The following CENPP variants were observed in gnomAD, a reference collection of about 807,000 sequenced individuals.
CENPP encodes centromere protein P.
A neutral mutation model predicts 35.6 loss-of-function variants in CENPP; 24 were observed. The ratio of observed to expected loss-of-function variants is 0.67; its 90% CI spans 0.49 to 0.95. The LOEUF (loss-of-function observed/expected upper bound fraction) is 0.95, where lower values mean the gene tolerates loss of function less well. CENPP is among the 40% of genes least tolerant of loss of function. CENPP has a pLI of 0.00. For missense variants in CENPP, 332 were observed against 345.3 expected, an observed-to-expected ratio of 0.96 and a Z score of 0.31; for synonymous variants, 120 against 125.5, an observed-to-expected ratio of 0.96 and a Z score of 0.29.
At chr9:92,501,364 G>A (rs1448937301) in intron 5 of CENPP, among the ~76,000 whole-genome samples, 7 of 152,112 alleles carry the variant, frequency 4.6e-5, no homozygotes, top group South Asian at 2.1e-4. Flanking sequence ...ATATCTGTAC[G>A]GTTGATGCGT....
chr9:92,434,669 T>G (rs1844202992), intron 5 of CENPP, among the ~76,000 whole-genome samples: 1 of 152,124 alleles, frequency 6.6e-6, no homozygotes. Flanking sequence ...TTCAGAAAAG[T>G]AAAACTTTAA....
chr9:92,424,967 C>T (rs1188574290), intron 5 of CENPP, among the ~76,000 whole-genome samples: 1 of 152,124 alleles, frequency 6.6e-6, no homozygotes, highest in Non-Finnish European at 1.5e-5. Flanking sequence ...TGAGCCACCA[C>T]GCCTGGCCTG....
chr9:92,368,807 G>C (rs887184209), intron 4 of CENPP, among the ~76,000 whole-genome samples: 1 of 152,200 alleles, frequency 6.6e-6, no homozygotes, highest in Non-Finnish European at 1.5e-5. Flanking sequence ...GGGAGACTGA[G>C]ATGGGAGGAT....
Position 92,328,946 on chromosome 9 carries a change from T to C in CENPP, c.107+2841T>C, listed in dbSNP as rs140251495. ...CATTGTTGTACAGCCATCACCACTG[T>C]CCATCTTCAGAACTTTTTCATCACC... On this transcript the variant is annotated intron_variant, in intron 1 of 7. Transcript: ENST00000375587. Among the ~76,000 whole-genome samples, 403 of 152,302 alleles carry C rather than the reference T, an allele frequency of 2.6e-3. 1 individual carries two copies. Among genetic ancestry groups the C allele is most frequent in the Non-Finnish European group, 4.1e-3 (279 of 68,018 alleles).
At chr9:92,533,224 C>CGGGAGGTGGAGGTTGCA (rs1848915207) in intron 5 of CENPP, among the ~76,000 whole-genome samples, 1 of 136,358 alleles carries the variant, frequency 7.3e-6, no homozygotes, top group Non-Finnish European at 1.5e-5. Context: ...CACTTGAACC[C>CGGGAGGTGGAGGTTGCA]GGGAGGTGGA....
At chr9:92,612,049 T>A (rs924410516) in intron 6 of CENPP, among the ~76,000 whole-genome samples, 5 of 152,234 alleles carry the variant, frequency 3.3e-5, no homozygotes, top group African/African-American at 1.2e-4. Flanking sequence ...GAGGGGATCA[T>A]ACACAGCGTC....
intron 5 of CENPP, among the ~76,000 whole-genome samples, chr9:92,475,182 A>G (rs1199752363): frequency 6.6e-6 from 1 of 152,238 alleles, no homozygotes; most frequent in African/African-American, 2.4e-5. Context: ...AAAGATGTTC[A>G]TCACAGAATT....
intron 5 of CENPP, among the ~76,000 whole-genome samples, chr9:92,380,801 T>C (rs1224520773): frequency 1.3e-5 from 2 of 152,194 alleles, no homozygotes; most frequent in African/African-American, 4.8e-5. Context: ...GTTATGGTAA[T>C]AGATGAATCA....
intron 5 of CENPP, among the ~76,000 whole-genome samples, chr9:92,537,106 C>A (rs1005151525): frequency 1.3e-5 from 2 of 151,612 alleles, no homozygotes; most frequent in African/African-American, 4.8e-5. Flanking sequence ...GAACTCTTGA[C>A]CTCATGTGAT....
intron 5 of CENPP, among the ~76,000 whole-genome samples, chr9:92,608,439 G>A (rs899627220): frequency 1.1e-4 from 17 of 152,066 alleles, no homozygotes; most frequent in Non-Finnish European, 7.4e-5. Context: ...TTGCCAATTT[G>A]GTCATCTTTT....
intron 4 of CENPP, among the ~76,000 whole-genome samples, chr9:92,369,106 A>G (rs1048541909): frequency 9.2e-5 from 14 of 152,226 alleles, no homozygotes; most frequent in Non-Finnish European, 1.6e-4. Flanking sequence ...CTAATAATAT[A>G]GTGAGGCTAA....
At chr9:92,516,362 C>T (rs746266589) in intron 5 of CENPP, among the ~76,000 whole-genome samples, 1 of 152,170 alleles carries the variant, frequency 6.6e-6, no homozygotes, top group Non-Finnish European at 1.5e-5. Flanking sequence ...CGTGCCCAGC[C>T]AGAGTGCATA....
chr9:92,517,519 A>G, intron 5 of CENPP: 2 of 866,566 alleles, frequency 2.3e-6, no homozygotes, highest in Non-Finnish European at 1.8e-6. Context: ...TATATCCCCT[A>G]CCATACATTT....
At chr9:92,390,088 G>A (rs746384296) in intron 5 of CENPP, 17 of 1,278,796 alleles carry the variant, frequency 1.3e-5, no homozygotes, top group East Asian at 9.3e-5. Flanking sequence ...AAACAACTAC[G>A]TAAGTAAAAT....
rs371920198 is a variant in CENPP at position 92,593,783 on chromosome 9, C to A, written c.565-17531C>A. On this transcript the variant is annotated intron_variant, in intron 5 of 7. Coordinates refer to ENST00000375587, the MANE Select transcript of CENPP (RefSeq NM_001012267.3). This position sits in a 1 kb window ranked among gnomAD's most constrained non-coding sequence, Gnocchi z 4.1. ...AACTATAAGTTTTTTTCTTTAAATT[C>A]TTTCGGTAAAAAATGGGAGCCACTT... Among the ~76,000 whole-genome samples, 1 of 152,082 alleles carries A rather than the reference C, an allele frequency of 6.6e-6. No individual in the cohort carries two copies. Among genetic ancestry groups the A allele is most frequent in the Non-Finnish European group, 1.5e-5 (1 of 67,982 alleles).
chr9:92,533,324 AAAAAATAT>A (rs1221977411), intron 5 of CENPP, among the ~76,000 whole-genome samples: 323 of 83,200 alleles, frequency 3.9e-3, no homozygotes, highest in Non-Finnish European at 5.6e-3. Flanking sequence ...AAAAAAAAAA[AAAAAATAT>A]ATATATATAT....
chr9:92,509,283 T>C (rs1255952805), intron 5 of CENPP, among the ~76,000 whole-genome samples: 1 of 151,968 alleles, frequency 6.6e-6, no homozygotes, highest in Non-Finnish European at 1.5e-5. Context: ...AGGCAGAAAA[T>C]TGCCAAAGTC....
intron 5 of CENPP, among the ~76,000 whole-genome samples, chr9:92,446,387 A>G (rs1403535377): frequency 1.3e-5 from 2 of 152,224 alleles, no homozygotes; most frequent in Admixed American, 6.5e-5. Context: ...AGAGTCTATA[A>G]TAGAAACTAT....
intron 5 of CENPP, among the ~76,000 whole-genome samples, chr9:92,458,864 G>A (rs1377788963): frequency 6.6e-6 from 1 of 152,072 alleles, no homozygotes; most frequent in African/African-American, 2.4e-5. Flanking sequence ...TCATTTTGAT[G>A]GTTTGTATCT....
Sources: allele counts gnomAD v4.1 joint callset (sites outside exome capture counted in the v4.1 genomes callset), GRCh38; gene constraint gnomAD v4.1.1; non-coding constraint Gnocchi (gnomAD v3.1); transcripts MANE v1.5; gene names NCBI Gene and HGNC (gene_info 2026-07-23, HGNC 2026-07-21).